Variants in CSRP1 observed in about 807,000 individuals in gnomAD.
The protein encoded by CSRP1 is cysteine and glycine rich protein 1, also known as cysteine and glycine-rich protein 1.
A neutral mutation model predicts 25.4 loss-of-function variants in CSRP1; 16 were observed. The observed-to-expected ratio is 0.63, with a 90% CI of 0.43 to 0.96. CSRP1 has a LOEUF of 0.96. Among genes scored for constraint, CSRP1 ranks in the 40% least tolerant of loss-of-function variants. The pLI is 0.00. For missense variants in CSRP1, 212 were observed against 243.6 expected (o/e 0.87, Z 0.86); for synonymous variants, 97 against 95.3 (o/e 1.02, Z -0.10).
Position 201,496,222 on chromosome 1 carries a change from T to C in CSRP1, c.82A>G (p.Asn28Asp), listed in dbSNP as rs34504522. 6.9e-4 allele frequency: 1,111 copies of C among 1,614,194 alleles called. 5 individuals carry two copies. In the African/African-American group the frequency reaches 0.013, roughly 19 times the overall value. Reference protein sequence around the residue: ...YFAEEVQCEGNSFHKSCFLCM... With the variant: ...YFAEEVQCEGDSFHKSCFLCM... Reference sequence around the variant, plus strand: ...AGGAAGCAGGATTTATGGAAGCTGTTGCCTTCGCACTGAACCTCTTCGGCA... The same window carrying C: ...AGGAAGCAGGATTTATGGAAGCTGTCGCCTTCGCACTGAACCTCTTCGGCA... The change falls in exon 2 of 6, where the codon AAC becomes GAC. Residue 28 changes from asparagine (N) to aspartate (D), a missense_variant. Transcript: ENST00000340006.
At chr1:201,505,112 C>A (rs1006452990) in intron 1 of CSRP1, among the ~76,000 whole-genome samples, 2 of 152,078 alleles carry the variant, frequency 1.3e-5, no homozygotes, top group African/African-American at 4.8e-5. Context: ...CAAAAACACA[C>A]AAAAAAGCCC....
At chr1:201,489,046 T>C in intron 3 of CSRP1, 62 bp from the exon 4 acceptor site, 1 of 1,600,162 alleles carries the variant, frequency 6.2e-7, no homozygotes, top group Non-Finnish European at 8.5e-7. Flanking sequence ...GGGCTGGCAC[T>C]GAGAGGGCAT....
intron 4 of CSRP1, chr1:201,486,429 A>T (rs1174635317): frequency 2.2e-5 from 22 of 985,618 alleles, no homozygotes; most frequent in Non-Finnish European, 2.7e-5. Context: ...CCCAGTGCCC[A>T]GGCTGGTGGA....
At chr1:201,485,199 G>T in intron 5 of CSRP1, 84 bp downstream of exon 5, 1 of 1,148,144 alleles carries the variant, frequency 8.7e-7, no homozygotes. Context: ...CCAGGAATTA[G>T]TTTACATTCA....
intron 2 of CSRP1, among the ~76,000 whole-genome samples, chr1:201,493,451 G>A (rs919635350): frequency 2.0e-5 from 3 of 152,218 alleles, no homozygotes; most frequent in African/African-American, 7.2e-5. Flanking sequence ...ATAAATGGGA[G>A]TTCCCCCATA....
At chr1:201,493,954 T>C (rs1300224992) in intron 2 of CSRP1, among the ~76,000 whole-genome samples, 1 of 152,204 alleles carries the variant, frequency 6.6e-6, no homozygotes, top group African/African-American at 2.4e-5. Flanking sequence ...GTTGTGGAGA[T>C]GGCTCAGCCT....
At position 201,484,201 on chromosome 1, in the gene CSRP1, C is replaced by T. The variant is rs1290412757; in HGVS notation, c.*512G>A. The T allele has an allele frequency of 5.4e-6, 3 of 553,408 alleles. No individual in the cohort carries two copies. The highest frequency in any genetic ancestry group is 2.8e-5 in the East Asian group (1 of 35,934). 34.3% of individuals were successfully genotyped at this position (553,408 alleles called of 1,614,324 possible). On this transcript the variant is annotated 3_prime_UTR_variant, in exon 6 of 6. Transcript: ENST00000340006. The stretch of plus-strand genomic sequence containing the variant: ...CTGCCTCCAATAGTGACTCCCTAAG[C>T]TGGGACTCCTCAGGCTTACTCTGAG...
chr1:201,500,553 C>T (rs1664640152), intron 1 of CSRP1, among the ~76,000 whole-genome samples: 2 of 152,270 alleles, frequency 1.3e-5, no homozygotes, highest in African/African-American at 4.8e-5. Context: ...CCCTCAAGAG[C>T]CCAGTGAAAG....
chr1:201,499,083 C>G (rs1664591741), intron 1 of CSRP1, among the ~76,000 whole-genome samples: 1 of 152,214 alleles, frequency 6.6e-6, no homozygotes, highest in Admixed American at 6.5e-5. Context: ...CAGGGACAGT[C>G]CCCATTCCCA....
intron 2 of CSRP1, chr1:201,495,922 T>C (rs1048453211): frequency 2.6e-6 from 1 of 390,828 alleles, no homozygotes; most frequent in Non-Finnish European, 4.6e-6. Context: ...GAGTGGAAAG[T>C]TTTCTTAACC....
intron 3 of CSRP1, chr1:201,489,879 C>A (rs1210942848): frequency 8.9e-5 from 24 of 270,084 alleles, no homozygotes; most frequent in Admixed American, 1.4e-4. Flanking sequence ...CAAAAAAAAA[C>A]AAAAAAAGAG....
At chr1:201,500,128 G>A (rs1365001697) in intron 1 of CSRP1, among the ~76,000 whole-genome samples, 1 of 150,010 alleles carries the variant, frequency 6.7e-6, no homozygotes, top group African/African-American at 2.5e-5. Context: ...TATTTAAGAG[G>A]GGCTGCTCAT....
Position 201,490,191 on chromosome 1 carries a change from C to A in CSRP1, c.266G>T (p.Gly89Val), listed in dbSNP as rs760604523. Residue 89 changes from glycine (G) to valine (V), a missense_variant, in exon 3 of 6, where the codon GGT becomes GTT. Coordinates refer to ENST00000340006, the MANE Select transcript of CSRP1 (RefSeq NM_004078.3). ...TTTTACTCACTCCTCGTGCTTGATA[C>A]CCAGCGACTCCCCCTTGTCAGTGCT... ...TLSTDKGESL[G>V]IKHEEAPGHR... The A allele has an allele frequency of 3.1e-6, 5 of 1,613,686 alleles. No homozygotes were observed. The highest frequency in any genetic ancestry group is 4.2e-6 in the Non-Finnish European group (5 of 1,179,676).
At chr1:201,486,779 T>C in intron 4 of CSRP1, 1 of 1,084,260 alleles carries the variant, frequency 9.2e-7, no homozygotes, top group Non-Finnish European at 1.1e-6. Context: ...GTGGGGCTTC[T>C]CCCTACCTTT....
intron 4 of CSRP1, chr1:201,487,032 A>G (rs753939189): frequency 7.8e-6 from 10 of 1,274,528 alleles, no homozygotes; most frequent in Non-Finnish European, 1.0e-5. Flanking sequence ...ATAAACAACA[A>G]TAATAATAAC....
At chr1:201,496,390 A>C in intron 1 of CSRP1, 86 bp from the exon 2 acceptor site, 2 of 1,144,402 alleles carry the variant, frequency 1.7e-6, no homozygotes, top group Non-Finnish European at 2.6e-6. Flanking sequence ...CAACAGCCAG[A>C]TCCAGAGGAG....
intron 2 of CSRP1, among the ~76,000 whole-genome samples, chr1:201,495,015 T>A (rs919369139): frequency 6.6e-6 from 1 of 152,174 alleles, no homozygotes; most frequent in African/African-American, 2.4e-5. Flanking sequence ...AGAAACTGAG[T>A]AACTTGTCCA....
At position 201,488,917 on chromosome 1, in the gene CSRP1, C is replaced by G. The variant is rs761072367; in HGVS notation, c.349G>C (p.Glu117Gln). 2 of 1,614,140 alleles carry G rather than the reference C, an allele frequency of 1.2e-6. No individual in the cohort carries two copies. The highest frequency in any genetic ancestry group is 2.2e-5 in the South Asian group (2 of 91,064). Residue 117 changes from glutamate (E) to glutamine (Q), a missense_variant, in exon 4 of 6, where the codon GAG (glutamate) becomes CAG (glutamine). Coordinates refer to ENST00000340006, the MANE Select transcript of CSRP1 (RefSeq NM_004078.3). ...SKFAQKIGGS[E>Q]RCPRCSQAVY... ...GCCTGGCTGCATCGGGGGCAGCGCT[C>G]GGAGCCACCAATCTTCTGGGCAAAT...
intron 1 of CSRP1, chr1:201,506,599 A>C (rs2038972): frequency 0.78 from 118,822 of 152,102 alleles, 46,614 homozygotes; most frequent in Middle Eastern, 0.83. Context: ...CCATGCAGTT[A>C]TTTCACAAGA....
Sources: allele counts gnomAD v4.1 joint callset (sites outside exome capture counted in the v4.1 genomes callset), GRCh38; gene constraint gnomAD v4.1.1; transcripts MANE v1.5; gene names NCBI Gene and HGNC (gene_info 2026-07-23, HGNC 2026-07-21).